Variants in ANK2 observed in about 807,000 individuals in gnomAD.
ANK2 encodes the protein ankyrin-2.
ANK2 carries 83 observed loss-of-function variants against 360.5 expected under a neutral mutation model. That is an observed-to-expected ratio of 0.23 (90% CI 0.19 to 0.28). The LOEUF is 0.28. Among genes scored for constraint, ANK2 ranks in the 10% least tolerant of loss-of-function variants. The pLI is 1.00. For synonymous variants in ANK2, 1,740 were observed against 1,759.5 expected, an observed-to-expected ratio of 0.99 and a Z score of 0.28; for missense variants, 4,201 against 4,795.7, an observed-to-expected ratio of 0.88 and a Z score of 3.66.
intron 1 of ANK2, among the ~76,000 whole-genome samples, chr4:113,109,512 A>G (rs1181010819): frequency 3.9e-5 from 6 of 152,210 alleles, no homozygotes; most frequent in Non-Finnish European, 7.3e-5. Context: ...TTGAGGTCTC[A>G]GATGACTGTG....
chr4:113,198,910 A>C (rs1296359214), intron 3 of ANK2, 101 bp from the exon 4 acceptor site: 4 of 957,424 alleles, frequency 4.2e-6, no homozygotes, highest in Non-Finnish European at 6.6e-6. Flanking sequence ...ACAAATTTTA[A>C]TCGGTTAAAG....
intron 1 of ANK2, among the ~76,000 whole-genome samples, chr4:112,865,713 G>C (rs909019575): frequency 6.6e-6 from 1 of 152,014 alleles, no homozygotes; most frequent in Non-Finnish European, 1.5e-5. Flanking sequence ...ATAACCATTA[G>C]AAAAATGTAA....
chr4:113,238,570 T>C (rs929879132), intron 7 of ANK2, among the ~76,000 whole-genome samples: 12 of 152,358 alleles, frequency 7.9e-5, no homozygotes, highest in African/African-American at 2.9e-4. Context: ...CAAATTGATA[T>C]CTTAATAACT....
At chr4:112,843,629 A>G (rs936118025) in intron 1 of ANK2, among the ~76,000 whole-genome samples, 3 of 152,180 alleles carry the variant, frequency 2.0e-5, no homozygotes, top group African/African-American at 7.2e-5. Context: ...TTGGGAAAAA[A>G]TGCAATTTTT....
At chr4:113,111,924 AT>A (rs2094341002) in intron 1 of ANK2, among the ~76,000 whole-genome samples, 1 of 152,120 alleles carries the variant, frequency 6.6e-6, no homozygotes. Flanking sequence ...CTATGGCTGG[AT>A]TTTCATATCC....
intron 4 of ANK2, among the ~76,000 whole-genome samples, chr4:113,223,941 T>A (rs962755051): frequency 1.3e-5 from 2 of 152,194 alleles, no homozygotes; most frequent in African/African-American, 4.8e-5. Context: ...TTCACATGTT[T>A]GGCATGTTGG....
At chr4:112,820,402 G>C (rs756402823) in intron 1 of ANK2, among the ~76,000 whole-genome samples, 39 of 152,170 alleles carry the variant, frequency 2.6e-4, no homozygotes, top group Non-Finnish European at 5.3e-4. Context: ...GTTGGGACTA[G>C]AACTCAGATT....
the ANK2 span, among the ~76,000 whole-genome samples, chr4:112,714,584 A>G: frequency 1.3e-5 from 2 of 152,256 alleles, no homozygotes; most frequent in Admixed American, 1.3e-4. Context: ...TGAACTGCAT[A>G]CAATAAAACT....
intron 2 of ANK2, among the ~76,000 whole-genome samples, chr4:113,183,454 TA>T (rs1254929483): frequency 6.6e-6 from 1 of 152,076 alleles, no homozygotes; most frequent in East Asian, 1.9e-4. Flanking sequence ...GTGGTTTAGC[TA>T]AACACATATG....
intron 18 of ANK2, among the ~76,000 whole-genome samples, chr4:113,287,392 C>A (rs184641234): frequency 6.2e-4 from 94 of 152,136 alleles, no homozygotes; most frequent in African/African-American, 2.1e-3. Context: ...ATGTAATTTG[C>A]CTGATGTGTT....
chr4:112,808,291 G>A, the ANK2 span, among the ~76,000 whole-genome samples: 206 of 152,268 alleles, frequency 1.4e-3, no homozygotes, highest in Middle Eastern at 0.014. Context: ...GAGCATATCC[G>A]GAAGTGGGTG....
intron 2 of ANK2, among the ~76,000 whole-genome samples, chr4:112,933,795 C>G (rs2093480331): frequency 6.6e-6 from 1 of 151,898 alleles, no homozygotes; most frequent in Non-Finnish European, 1.5e-5. Flanking sequence ...TCACTGTGCC[C>G]GGCAGAGATG....
upstream of ANK2, among the ~76,000 whole-genome samples, chr4:113,047,504 CCAAGAAAGGT>C (rs1265358563): frequency 1.3e-5 from 2 of 151,990 alleles, no homozygotes; most frequent in Non-Finnish European, 2.9e-5. Context: ...GAGGCTGCTC[CCAAGAAAGGT>C]CAAGAAAGGG....
chr4:113,061,927 T>TATGC (rs2073628956), intron 1 of ANK2, among the ~76,000 whole-genome samples: 1 of 152,134 alleles, frequency 6.6e-6, no homozygotes, highest in East Asian at 1.9e-4. Flanking sequence ...ATGTGATTAT[T>TATGC]ATGCATTGCA....
In ANK2 at chr4:112,915,382, G is replaced by T. The variant is rs187076217; in HGVS notation, c.21+10868G>T. ...AAGACTTTAAATAGATGTTTTTAAA[G>T]GATAAGTTCCAAAGAAAAATATAAA... is the stretch of plus-strand genomic sequence containing the variant. On this transcript the variant is annotated intron_variant, in intron 2 of 30. Coordinates refer to the ANK2 transcript ENST00000503271. 1.4e-3 allele frequency among the ~76,000 whole-genome samples: 216 copies of T among 152,148 alleles called. 1 individual carries two copies. The highest frequency in any genetic ancestry group is 4.8e-3 in the African/African-American group (200 of 41,498).
upstream of ANK2, among the ~76,000 whole-genome samples, chr4:113,046,304 T>C (rs985031385): frequency 6.6e-6 from 1 of 152,206 alleles, no homozygotes; most frequent in African/African-American, 2.4e-5. Flanking sequence ...TTATACTGTA[T>C]AGCATTTGGG....
chr4:112,741,851 T>C, the ANK2 span, among the ~76,000 whole-genome samples: 2 of 152,006 alleles, frequency 1.3e-5, no homozygotes, highest in Non-Finnish European at 1.5e-5. Context: ...ACAAGCACAA[T>C]AAAATTGGCA....
At chr4:113,208,898 A>C (rs747858910) in intron 4 of ANK2, among the ~76,000 whole-genome samples, 1 of 151,966 alleles carries the variant, frequency 6.6e-6, no homozygotes, top group Non-Finnish European at 1.5e-5. Flanking sequence ...TGGTTATTAC[A>C]TCATTTGATG....
chr4:113,285,343 T>TCCCC (rs1563426173), intron 18 of ANK2, among the ~76,000 whole-genome samples: 3 of 152,104 alleles, frequency 2.0e-5, no homozygotes, highest in Non-Finnish European at 4.4e-5. Context: ...TCCCTTCAGT[T>TCCCC]GAGGGCTCAG....
Sources: gnomAD v4.1 joint callset for allele counts (sites outside exome capture counted in the v4.1 genomes callset) on GRCh38, gnomAD v4.1.1 for gene constraint, MANE v1.5 for transcripts, NCBI Gene and HGNC (gene_info 2026-07-23, HGNC 2026-07-21) for gene names.